The following ZNF536 variants were observed in gnomAD, a reference collection of about 807,000 sequenced individuals.
ZNF536 encodes the protein zinc finger protein 536.
A neutral mutation model predicts 84.5 loss-of-function variants in ZNF536; 13 were observed. The ratio of observed to expected loss-of-function variants is 0.15; its 90% CI spans 0.10 to 0.24. The LOEUF (loss-of-function observed/expected upper bound fraction) is 0.24. Ranked by LOEUF, ZNF536 falls within the 10% of genes least tolerant of loss-of-function variation. The pLI, the probability that ZNF536 is intolerant of heterozygous loss-of-function variation, is 1.00. For synonymous variants in ZNF536, 811 were observed against 742.5 expected (o/e 1.09, Z -1.50); for missense variants, 1,536 against 1,747.5 (o/e 0.88, Z 2.16).
intron 2 of ZNF536, among the ~76,000 whole-genome samples, chr19:30,489,515 C>T (rs1486696632): frequency 2.0e-5 from 3 of 152,140 alleles, no homozygotes; most frequent in Non-Finnish European, 4.4e-5. Flanking sequence ...CCGGGAGGTC[C>T]AGAATGCAGT....
intron 2 of ZNF536, among the ~76,000 whole-genome samples, chr19:30,519,900 A>G (rs73024825): frequency 0.097 from 14,714 of 152,270 alleles, 979 homozygotes; most frequent in Non-Finnish European, 0.15. Flanking sequence ...TTAATCACAC[A>G]TATACGCTCA....
chr19:30,366,346 T>C (rs2048427818), intron 3 of ZNF536, among the ~76,000 whole-genome samples: 1 of 151,642 alleles, frequency 6.6e-6, no homozygotes, highest in Non-Finnish European at 1.5e-5. Flanking sequence ...ATCTGTCTAT[T>C]ATCTACCTAT....
chr19:30,700,027 CT>C (rs1391781315), intron 1 of ZNF536, among the ~76,000 whole-genome samples: 1 of 151,244 alleles, frequency 6.6e-6, no homozygotes, highest in African/African-American at 2.4e-5. Context: ...TACTTTCTTT[CT>C]TTATTCCTTT....
At chr19:30,474,331 CTG>C (rs918242508) in intron 2 of ZNF536, among the ~76,000 whole-genome samples, 11 of 151,162 alleles carry the variant, frequency 7.3e-5, no homozygotes, top group Middle Eastern at 3.5e-3. Flanking sequence ...CTCTCTCTCT[CTG>C]TGTGTGTGTG....
In ZNF536 at chr19:30,276,656, T is replaced by A. The variant is rs192769820; in HGVS notation, c.-189-7416T>A. 2.6e-5 allele frequency among the ~76,000 whole-genome samples: 4 copies of A among 152,326 alleles called. No individual in the cohort carries two copies. The East Asian group carries it at 7.7e-4, about 29-fold the overall frequency. ...TAATGTGTGGGTTGTTTGAATACCA[T>A]GTGTTAGCTATGGAACAATTAGGCA... On this transcript the variant is annotated intron_variant, in intron 1 of 5. Coordinates refer to the ZNF536 transcript ENST00000585628.
chr19:30,639,431 T>A lies in ZNF536; in HGVS notation c.170-71326T>A, dbSNP rs1441842363. 5.9e-5 allele frequency among the ~76,000 whole-genome samples: 9 copies of A among 152,174 alleles called. No individual in the cohort carries two copies. In the East Asian group the frequency reaches 1.7e-3, roughly 29 times the overall value. On this transcript the variant is annotated intron_variant, in intron 1 of 1. Transcript: ENST00000592773. ...TAAGTCTTGGAAATCCAGTGAGTGTTTTACCCTCATAGCACTTCTCAATTC... is the reference window on the plus strand; with the variant it reads ...TAAGTCTTGGAAATCCAGTGAGTGTATTACCCTCATAGCACTTCTCAATTC...
chr19:30,544,403 A>G (rs2045463127), intron 3 of ZNF536, among the ~76,000 whole-genome samples: 1 of 152,192 alleles, frequency 6.6e-6, no homozygotes, highest in Non-Finnish European at 1.5e-5. Flanking sequence ...CTCCAATGCT[A>G]GGAATTAGCC....
chr19:30,658,027 C>G (rs914828828), intron 1 of ZNF536, among the ~76,000 whole-genome samples: 26 of 151,236 alleles, frequency 1.7e-4, no homozygotes, highest in South Asian at 8.5e-4. Context: ...TTCCCCCCCC[C>G]CTTTTTTTTC....
intron 1 of ZNF536, among the ~76,000 whole-genome samples, chr19:30,599,471 C>CTTCCTTCCTTCCGTCT (rs745360597): frequency 4.2e-5 from 2 of 47,348 alleles, no homozygotes; most frequent in Non-Finnish European, 7.2e-5. Flanking sequence ...TCCCTCCCTC[C>CTTCCTTCCTTCCGTCT]TTCCTTCCTT....
chr19:30,458,090 TAAAGG>T (rs747246790), intron 2 of ZNF536, among the ~76,000 whole-genome samples: 19 of 152,158 alleles, frequency 1.2e-4, no homozygotes, highest in Admixed American at 2.0e-4. Context: ...TTTCTCACGT[TAAAGG>T]AAAGGCTGAG....
At chr19:30,252,701 G>A (rs2024687074) in intron 1 of ZNF536, among the ~76,000 whole-genome samples, 2 of 152,176 alleles carry the variant, frequency 1.3e-5, no homozygotes, top group African/African-American at 4.8e-5. Flanking sequence ...ATGGAGTGGC[G>A]AAGGTGCTGA....
intron 1 of ZNF536, among the ~76,000 whole-genome samples, chr19:30,658,738 C>T (rs1215209056): frequency 6.6e-6 from 1 of 152,044 alleles, no homozygotes. Context: ...GTCTGACTCT[C>T]CCACCGAATT....
chr19:30,530,437 C>T (rs1312868571), intron 2 of ZNF536, among the ~76,000 whole-genome samples: 4 of 152,064 alleles, frequency 2.6e-5, no homozygotes, highest in African/African-American at 9.7e-5. Context: ...ACCTCTGCCT[C>T]CCAGGTTCAA....
intron 1 of ZNF536, among the ~76,000 whole-genome samples, chr19:30,393,872 T>C (rs1344123446): frequency 6.6e-6 from 1 of 152,140 alleles, no homozygotes; most frequent in Non-Finnish European, 1.5e-5. Flanking sequence ...TGAATGTTGT[T>C]TAAGGGGCAA....
chr19:30,242,643 C>T (rs1270589767), intron 1 of ZNF536, among the ~76,000 whole-genome samples: 1 of 152,128 alleles, frequency 6.6e-6, no homozygotes, highest in African/African-American at 2.4e-5. Flanking sequence ...GTTCTTACTC[C>T]CCATCCCCAA....
chr19:30,508,040 T>G (rs2055243841), intron 2 of ZNF536, among the ~76,000 whole-genome samples: 1 of 152,090 alleles, frequency 6.6e-6, no homozygotes, highest in Non-Finnish European at 1.5e-5. Flanking sequence ...GAAGAATGAG[T>G]GAGGCCTCTC....
intron 1 of ZNF536, among the ~76,000 whole-genome samples, chr19:30,425,465 T>A (rs542036274): frequency 2.0e-5 from 3 of 152,256 alleles, no homozygotes; most frequent in African/African-American, 7.2e-5. Flanking sequence ...ATGTAAATGG[T>A]TCAGCCTCAG....
chr19:30,597,046 G>A (rs1293010103), intron 1 of ZNF536, among the ~76,000 whole-genome samples: 1 of 152,132 alleles, frequency 6.6e-6, no homozygotes, highest in Non-Finnish European at 1.5e-5. Context: ...AAAGAGGAGG[G>A]AACCTTTCAA....
chr19:30,554,422 A>T (rs1421849579), intron 4 of ZNF536: 1 of 151,566 alleles, frequency 6.6e-6, no homozygotes, highest in Non-Finnish European at 1.5e-5. Context: ...CACCTGGCTA[A>T]TTTTGTATTT....
Sources: gnomAD v4.1 joint callset for allele counts (sites outside exome capture counted in the v4.1 genomes callset) on GRCh38, gnomAD v4.1.1 for gene constraint, MANE v1.5 for transcripts, NCBI Gene and HGNC (gene_info 2026-07-23, HGNC 2026-07-21) for gene names.